Variants in PTK2 observed in about 807,000 individuals in gnomAD.
The protein encoded by PTK2 is protein tyrosine kinase 2.
In PTK2, 45 loss-of-function variants were observed where a neutral mutation model predicts 150.1. The ratio of observed to expected loss-of-function variants is 0.30; its 90% CI spans 0.24 to 0.38. The LOEUF (loss-of-function observed/expected upper bound fraction) is 0.38, where lower values mean the gene tolerates loss of function less well. PTK2 is among the 10% of genes least tolerant of loss of function. The pLI is 1.00. For synonymous variants in PTK2, 432 were observed against 449.2 expected (o/e 0.96, Z 0.48); for missense variants, 919 against 1,307.3 (o/e 0.70, Z 4.58).
chr8:140,855,176 A>G (rs2100131767), intron 5 of PTK2, among the ~76,000 whole-genome samples: 1 of 152,146 alleles, frequency 6.6e-6, no homozygotes, highest in Non-Finnish European at 1.5e-5. Context: ...ATTCATTTAC[A>G]TAGAAATTAA....
chr8:140,798,421 C>T (rs2100092966), intron 12 of PTK2, among the ~76,000 whole-genome samples: 1 of 152,088 alleles, frequency 6.6e-6, no homozygotes, highest in South Asian at 2.1e-4. Context: ...TTTATAAAGA[C>T]AATATAAAAT....
intron 1 of PTK2, among the ~76,000 whole-genome samples, chr8:140,933,391 TG>T (rs1228791919): frequency 6.6e-6 from 1 of 152,254 alleles, no homozygotes; most frequent in Non-Finnish European, 1.5e-5. Flanking sequence ...CTTTTACCTT[TG>T]GTATGTATTT....
At chr8:140,728,513 A>C (rs879484394) in intron 22 of PTK2, among the ~76,000 whole-genome samples, 10 of 152,014 alleles carry the variant, frequency 6.6e-5, no homozygotes, top group Admixed American at 2.6e-4. Context: ...ATGGACATGG[A>C]TTATTTATTT....
At chr8:140,669,301 G>GTATGTGTATGTATATATATA (rs547959878) in intron 29 of PTK2, 1 of 97,984 alleles carries the variant, frequency 1.0e-5, no homozygotes, top group African/African-American at 4.7e-5. Context: ...GCATAAAATG[G>GTATGTGTATGTATATATATA]TATATATATA....
chr8:140,896,073 A>G (rs2100156109), intron 2 of PTK2, among the ~76,000 whole-genome samples: 1 of 152,240 alleles, frequency 6.6e-6, no homozygotes, highest in African/African-American at 2.4e-5. Context: ...GGGATTATTA[A>G]TAACTATGCC....
intron 26 of PTK2, 105 bp from the exon 30 acceptor site, chr8:140,686,799 T>A (rs758722126): frequency 5.1e-6 from 5 of 986,440 alleles, no homozygotes; most frequent in Non-Finnish European, 7.6e-6. Flanking sequence ...GTCCTCTGAA[T>A]AAGAAGAGTT....
intron 16 of PTK2, among the ~76,000 whole-genome samples, chr8:140,757,840 G>T (rs1315967586): frequency 6.6e-6 from 1 of 152,174 alleles, no homozygotes; most frequent in Non-Finnish European, 1.5e-5. Context: ...AGATTATAAA[G>T]AAGCTGAAAA....
chr8:140,745,961 T>C (rs1160523072), intron 18 of PTK2, among the ~76,000 whole-genome samples: 5 of 150,424 alleles, frequency 3.3e-5, no homozygotes, highest in East Asian at 3.9e-4. Flanking sequence ...GATCGCGCCA[T>C]TGCACTCCAG....
chr8:140,859,169 G>A (rs531932279), intron 5 of PTK2, among the ~76,000 whole-genome samples: 1 of 152,270 alleles, frequency 6.6e-6, no homozygotes, highest in South Asian at 2.1e-4. Context: ...TACCTTAAGG[G>A]TAGAACTGAA....
chr8:140,912,274 A>T (rs1216288842), intron 2 of PTK2, among the ~76,000 whole-genome samples: 1 of 151,912 alleles, frequency 6.6e-6, no homozygotes, highest in African/African-American at 2.4e-5. Flanking sequence ...AAAAACAAAA[A>T]AATCAGGATA....
chr8:140,679,212 AC>A (rs2100015713), intron 27 of PTK2, among the ~76,000 whole-genome samples: 1 of 151,286 alleles, frequency 6.6e-6, no homozygotes, highest in Non-Finnish European at 1.5e-5. Flanking sequence ...TTTAGTAGAG[AC>A]AGGGTTTCAC....
rs545433350 is a variant in PTK2 at position 140,908,528 on chromosome 8, TAGCTTCAA to T, written c.-33+17125_-33+17132del. 5.4e-3 allele frequency among the ~76,000 whole-genome samples: 820 copies of T among 152,350 alleles called. 6 individuals are homozygous for T. Among genetic ancestry groups the T allele is most frequent in the South Asian group, 0.031 (152 of 4,830 alleles). ...GACAGCTAGAGGTGAAGTCAATGCT[TAGCTTCAA>T]AGCTTCAGAGGACAGGCTGTCTCTC... is the stretch of plus-strand genomic sequence containing the variant. On this transcript the variant is annotated intron_variant, in intron 2 of 31. Coordinates refer to ENST00000522684, the Ensembl canonical transcript of PTK2.
intron 1 of PTK2, among the ~76,000 whole-genome samples, chr8:140,998,607 A>C (rs1375375593): frequency 6.6e-6 from 1 of 152,070 alleles, no homozygotes; most frequent in Admixed American, 6.6e-5. Flanking sequence ...TCATGAGGTC[A>C]GGAGATCGAG....
chr8:140,661,971 T>C (rs758807847), intron 31 of PTK2, among the ~76,000 whole-genome samples: 3 of 152,170 alleles, frequency 2.0e-5, no homozygotes, highest in African/African-American at 7.2e-5. Context: ...GAAAGGCAGA[T>C]GCAGGATCAA....
chr8:140,808,395 C>T (rs1024758726), intron 10 of PTK2, among the ~76,000 whole-genome samples: 3 of 152,172 alleles, frequency 2.0e-5, no homozygotes, highest in Non-Finnish European at 4.4e-5. Flanking sequence ...GGGCTCTATC[C>T]TGATTGCTCC....
At chr8:140,851,921 T>C (rs1005861343) in intron 5 of PTK2, among the ~76,000 whole-genome samples, 2 of 151,804 alleles carry the variant, frequency 1.3e-5, no homozygotes, top group African/African-American at 4.8e-5. Context: ...AAAAGAACAT[T>C]TGATGTTGAG....
At chr8:140,935,354 G>T (rs2100173229) in intron 1 of PTK2, among the ~76,000 whole-genome samples, 1 of 152,074 alleles carries the variant, frequency 6.6e-6, no homozygotes, top group Non-Finnish European at 1.5e-5. Context: ...AAGCACCCCA[G>T]GTCCAGAGGT....
intron 22 of PTK2, among the ~76,000 whole-genome samples, chr8:140,729,203 C>T (rs1404809044): frequency 6.6e-6 from 1 of 152,126 alleles, no homozygotes; most frequent in East Asian, 1.9e-4. Context: ...ATGGTTAAGA[C>T]AAATAACTAA....
intron 16 of PTK2, among the ~76,000 whole-genome samples, chr8:140,755,742 A>C (rs1320628239): frequency 6.6e-6 from 1 of 152,192 alleles, no homozygotes; most frequent in African/African-American, 2.4e-5. Flanking sequence ...TAGAAACAGT[A>C]GCTGTCACAG....
Sources: allele counts gnomAD v4.1 joint callset (sites outside exome capture counted in the v4.1 genomes callset), GRCh38; gene constraint gnomAD v4.1.1; transcripts MANE v1.5; gene names NCBI Gene and HGNC (gene_info 2026-07-23, HGNC 2026-07-21).